The following CCDC180 variants were observed in gnomAD, a reference collection of about 807,000 sequenced individuals.
CCDC180 encodes coiled-coil domain containing 180.
A neutral mutation model predicts 209.2 loss-of-function variants in CCDC180; 154 were observed. The observed-to-expected ratio is 0.74, with a 90% CI of 0.65 to 0.84. The LOEUF (loss-of-function observed/expected upper bound fraction) is 0.84. Among genes scored for constraint, CCDC180 ranks in the 40% least tolerant of loss-of-function variants. The probability of loss-of-function intolerance (pLI) is 0.00; values close to 1 mark genes in which losing one functional copy is unlikely to be tolerated. For missense variants in CCDC180, 1,874 were observed against 1,997.3 expected (o/e 0.94, Z 1.18); for synonymous variants, 778 against 749.1 (o/e 1.04, Z -0.63).
intron 36 of CCDC180, 175 bp downstream of exon 36, chr9:97,375,764 C>T: frequency 1.4e-6 from 1 of 723,778 alleles, no homozygotes; most frequent in East Asian, 2.7e-5. Flanking sequence ...CATTCACAGG[C>T]ACGAGGACAT....
At chr9:97,375,698 G>A in intron 36 of CCDC180, 109 bp downstream of exon 36, 1 of 1,372,262 alleles carries the variant, frequency 7.3e-7, no homozygotes, top group Non-Finnish European at 1.0e-6. Flanking sequence ...TGGTGCAGCA[G>A]GCAACACATG....
At position 97,343,434 on chromosome 9, in the gene CCDC180, C is replaced by A. The variant is rs755111766; in HGVS notation, c.2369C>A (p.Pro790His). The A allele has an allele frequency of 6.2e-7, 1 of 1,613,700 alleles. No homozygotes were observed. Among genetic ancestry groups the A allele is most frequent in the South Asian group, 1.1e-5 (1 of 91,054 alleles). ...SSGNTYFVFV[P>H]LEEEHCRKSH... ...GGAAACACTTATTTTGTCTTTGTAC[C>A]CCTGGAAGAAGAGCATTGTAGGAAG... The change falls in exon 19 of 37, where the codon CCC becomes CAC. Residue 790 changes from proline to histidine, a missense_variant. Transcript: ENST00000529487.
At position 97,318,498 on chromosome 9, in the gene CCDC180, C is replaced by G; in HGVS notation, c.995C>G (p.Pro332Arg). The change falls in exon 10 of 37, where the codon CCG (proline) becomes CGG (arginine). Residue 332 changes from proline to arginine, a missense_variant. By Grantham distance (103) the Pro-to-Arg change is moderately radical. Coordinates refer to ENST00000529487, the MANE Select transcript of CCDC180 (RefSeq NM_020893.6). ...FMASESIHTP[P>R]AVTKELEVML... ...GCCAGTGAGAGTATCCATACTCCCC[C>G]GGCTGTGACGAAGGAGCTAGAGGTC... The G allele has an allele frequency of 1.2e-6, 2 of 1,613,746 alleles. No individual in the cohort carries two copies. Among genetic ancestry groups the G allele is most frequent in the South Asian group, 2.2e-5 (2 of 91,070 alleles).
At chr9:97,342,996 G>C (rs1159837943) in intron 18 of CCDC180, among the ~76,000 whole-genome samples, 1 of 152,178 alleles carries the variant, frequency 6.6e-6, no homozygotes, top group Non-Finnish European at 1.5e-5. Flanking sequence ...ATGCCCACAG[G>C]TATGTAATAG....
intron 22 of CCDC180, 111 bp downstream of exon 22, chr9:97,350,666 T>C: frequency 8.7e-7 from 1 of 1,145,718 alleles, no homozygotes; most frequent in Non-Finnish European, 1.2e-6. Flanking sequence ...AACATCAAAC[T>C]TAACATCTTA....
Position 97,370,568 on chromosome 9 carries a change from T to C in CCDC180, c.4351-73T>C, listed in dbSNP as rs917159136. 1.6e-5 allele frequency: 24 copies of C among 1,543,272 alleles called. No homozygotes were observed. The African/African-American group carries it at 2.2e-4, about 14-fold the overall frequency. ...GACATGAGTCTGGCCATAATCATAA[T>C]TGACAGAAGACACAGGTCAGTGACT... On this transcript the variant is annotated intron_variant, in intron 32 of 36. Coordinates refer to ENST00000529487, the MANE Select transcript of CCDC180 (RefSeq NM_020893.6).
At chr9:97,313,562 T>C (rs1418273325) in intron 5 of CCDC180, among the ~76,000 whole-genome samples, 1 of 152,210 alleles carries the variant, frequency 6.6e-6, no homozygotes. Context: ...CTACAGGTCA[T>C]GTGCTGTTGT....
rs1340150794 is a variant in CCDC180, at chr9:97,376,969, C to T, written c.*75C>T. ...GTCCATCTACCTGCCTACCTACTTT[C>T]CGTCCATCCCTCCCTCCCTTCATCC... On this transcript the variant is annotated 3_prime_UTR_variant, in exon 37 of 37. Transcript: ENST00000529487. The T allele has an allele frequency of 6.6e-7, 1 of 1,506,906 alleles. No homozygotes were observed. Among genetic ancestry groups the T allele is most frequent in the Non-Finnish European group, 9.0e-7 (1 of 1,116,322 alleles). 93.3% of individuals were successfully genotyped at this position (1,506,906 alleles called of 1,614,324 possible).
At position 97,320,140 on chromosome 9, in the gene CCDC180, C is replaced by G. The variant is rs61261278; in HGVS notation, c.1094C>G (p.Pro365Arg). 1.9e-3 allele frequency: 3,020 copies of G among 1,614,104 alleles called. 43 individuals carry two copies. In the African/African-American group the frequency reaches 0.035, roughly 18 times the overall value. Residue 365 changes from proline to arginine, a missense_variant, in exon 11 of 37, where the codon CCC becomes CGC. By Grantham distance (103) the Pro-to-Arg change is moderately radical. Coordinates refer to ENST00000529487, the MANE Select transcript of CCDC180 (RefSeq NM_020893.6). ...TTCCTTCCCAGTGACCTCCTGCCCC[C>G]CAGTTACAGCAAAACTCAGCTGACT... is the stretch of plus-strand genomic sequence containing the variant. ...HLCTICDLLPPSYSKTQLTEW... is the reference protein window; with the variant it reads ...HLCTICDLLPRSYSKTQLTEW...
chr9:97,314,390 C>T lies in CCDC180; in HGVS notation c.460-3C>T. On this transcript the variant is annotated splice_region_variant and splice_polypyrimidine_tract_variant and intron_variant, in intron 5 of 36. Coordinates refer to ENST00000529487, the MANE Select transcript of CCDC180 (RefSeq NM_020893.6). Reference sequence around the variant, plus strand: ...TGGCCATCATACCCCTGGCCTGTTGCAGGAAATGGAACCTCTCATCGTGGA... The same window carrying T: ...TGGCCATCATACCCCTGGCCTGTTGTAGGAAATGGAACCTCTCATCGTGGA... 1 of 1,614,138 alleles carries T rather than the reference C, an allele frequency of 6.2e-7. No homozygotes were observed. The highest frequency in any genetic ancestry group is 1.3e-5 in the African/African-American group (1 of 75,064).
chr9:97,358,081 C>G (rs2118852640), intron 25 of CCDC180: 1 of 189,488 alleles, frequency 5.3e-6, no homozygotes, highest in African/African-American at 2.3e-5. Context: ...GGGCCCTGCC[C>G]CCTGAACAAC....
chr9:97,358,643 G>T (rs921535055), intron 25 of CCDC180, among the ~76,000 whole-genome samples: 1 of 152,032 alleles, frequency 6.6e-6, no homozygotes, highest in African/African-American at 2.4e-5. Context: ...GGGGGACATC[G>T]GGAGTTCTCT....
chr9:97,364,139 A>C lies in CCDC180; in HGVS notation c.3980+11A>C. ...TCCCCCTGCTGCCGAGTGAGTAACA[A>C]CGCCTTTCCTTTTGACTGCATTTAA... is the stretch of plus-strand genomic sequence containing the variant. On this transcript the variant is annotated intron_variant, in intron 29 of 36. Coordinates refer to ENST00000529487, the MANE Select transcript of CCDC180 (RefSeq NM_020893.6). 1 of 1,613,562 alleles carries C rather than the reference A, an allele frequency of 6.2e-7. No homozygotes were observed. Among genetic ancestry groups the C allele is most frequent in the Non-Finnish European group, 8.5e-7 (1 of 1,179,664 alleles).
At chr9:97,355,447 C>T (rs568755313) in intron 24 of CCDC180, among the ~76,000 whole-genome samples, 10 of 152,274 alleles carry the variant, frequency 6.6e-5, no homozygotes, top group African/African-American at 7.2e-5. Context: ...TGAGCCACTG[C>T]GCCTGGCCAA....
intron 10 of CCDC180, among the ~76,000 whole-genome samples, chr9:97,319,526 C>T (rs1345219728): frequency 6.6e-6 from 1 of 152,136 alleles, no homozygotes; most frequent in Non-Finnish European, 1.5e-5. Flanking sequence ...CTGTTTTCTT[C>T]TTTATGCCCA....
chr9:97,357,772 G>A (rs1010102363), intron 25 of CCDC180, 47 bp downstream of exon 25: 3 of 1,395,480 alleles, frequency 2.1e-6, no homozygotes, highest in African/African-American at 1.4e-5. Context: ...GATATATCAT[G>A]CTAAAGTCAT....
chr9:97,361,597 A>G (rs1040693718), intron 26 of CCDC180, 129 bp from the exon 27 acceptor site: 19 of 780,156 alleles, frequency 2.4e-5, no homozygotes, highest in East Asian at 1.9e-4. Flanking sequence ...TAGTGGCTCA[A>G]TGAGGTCAGC....
At chr9:97,356,700 G>A (rs1306652241) in intron 24 of CCDC180, among the ~76,000 whole-genome samples, 3 of 152,180 alleles carry the variant, frequency 2.0e-5, no homozygotes, top group Non-Finnish European at 4.4e-5. Flanking sequence ...TCTTTTTTCT[G>A]AGCTAATATC....
intron 2 of CCDC180, among the ~76,000 whole-genome samples, chr9:97,308,953 AATTTC>A (rs1832892230): frequency 6.6e-6 from 1 of 152,146 alleles, no homozygotes; most frequent in Non-Finnish European, 1.5e-5. Flanking sequence ...TCTAATTTCT[AATTTC>A]TATAATTCTA....
Sources: gnomAD v4.1 joint callset for allele counts (sites outside exome capture counted in the v4.1 genomes callset) on GRCh38, gnomAD v4.1.1 for gene constraint, MANE v1.5 for transcripts, NCBI Gene and HGNC (gene_info 2026-07-23, HGNC 2026-07-21) for gene names.